Variants in ATR observed in about 807,000 individuals in gnomAD.
ATR encodes the protein serine/threonine-protein kinase ATR.
ATR carries 142 observed loss-of-function variants against 305.3 expected under a neutral mutation model. The ratio of observed to expected loss-of-function variants is 0.47; its 90% CI spans 0.41 to 0.53. The LOEUF (loss-of-function observed/expected upper bound fraction) is 0.53, where lower values mean the gene tolerates loss of function less well. Among genes scored for constraint, ATR ranks in the 20% least tolerant of loss-of-function variants. The pLI is 0.00. For synonymous variants in ATR, 1,050 were observed against 1,068.1 expected, an observed-to-expected ratio of 0.98 and a Z score of 0.33; for missense variants, 2,135 against 3,133.1, an observed-to-expected ratio of 0.68 and a Z score of 7.60.
At chr3:142,575,244 T>A (rs2035397573) in intron 1 of ATR, among the ~76,000 whole-genome samples, 1 of 152,072 alleles carries the variant, frequency 6.6e-6, no homozygotes, top group Non-Finnish European at 1.5e-5. Flanking sequence ...AGCCTTGGCA[T>A]GGTGGCTGAG....
chr3:142,482,714 T>C (rs1174870553), intron 36 of ATR, among the ~76,000 whole-genome samples: 3 of 151,974 alleles, frequency 2.0e-5, no homozygotes, highest in African/African-American at 7.2e-5. Flanking sequence ...CATGTGCCTA[T>C]AGTCCTAACT....
Position 142,562,973 on chromosome 3 carries a change from C to A in ATR, c.429G>T (p.Gly143=), listed in dbSNP as rs1358175954. ...LFKSKSPAIF[G]VLTKELLQLF... is the part of the protein sequence containing the mutation. Reference sequence around the variant, plus strand: ...GTTGTAATAATTCTTTTGTGAGTACCCCAAAAATAGCAGGACTCTTGCTTT... The same window carrying A: ...GTTGTAATAATTCTTTTGTGAGTACACCAAAAATAGCAGGACTCTTGCTTT... Residue 143 remains glycine, a synonymous_variant, in exon 4 of 47, where the codon GGG becomes GGT. Coordinates refer to ENST00000350721, the MANE Select transcript of ATR (RefSeq NM_001184.4). 6.2e-7 allele frequency: 1 copy of A among 1,607,102 alleles called. No individual in the cohort carries two copies. Among genetic ancestry groups the A allele is most frequent in the Non-Finnish European group, 8.5e-7 (1 of 1,178,236 alleles).
At chr3:142,512,145 C>A (rs2108370018) in intron 27 of ATR, 115 bp downstream of exon 27, 1 of 966,098 alleles carries the variant, frequency 1.0e-6, no homozygotes, top group South Asian at 1.5e-5. Flanking sequence ...CAATAAAAAA[C>A]ATGAAGCAAG....
chr3:142,479,130 A>T (rs994324915), intron 36 of ATR, among the ~76,000 whole-genome samples: 2 of 149,674 alleles, frequency 1.3e-5, no homozygotes, highest in Non-Finnish European at 3.0e-5. Flanking sequence ...TCCTCTCAGT[A>T]TGATGTTAGC....
chr3:142,458,500 T>A (rs1166850517), intron 44 of ATR, among the ~76,000 whole-genome samples: 1 of 152,152 alleles, frequency 6.6e-6, no homozygotes, highest in Admixed American at 6.6e-5. Context: ...TAAAGATGGG[T>A]CCAATTGCCT....
chr3:142,544,135 G>C (rs1053366263), intron 16 of ATR, among the ~76,000 whole-genome samples: 2 of 152,026 alleles, frequency 1.3e-5, no homozygotes, highest in African/African-American at 4.8e-5. Flanking sequence ...ACCACCTACT[G>C]CATAGAGTTG....
At chr3:142,478,480 T>C (rs1028775237) in intron 36 of ATR, among the ~76,000 whole-genome samples, 6 of 152,232 alleles carry the variant, frequency 3.9e-5, no homozygotes, top group Non-Finnish European at 8.8e-5. Flanking sequence ...TCTGTTCTTT[T>C]ACATTTGCTG....
chr3:142,503,630 T>G (rs2032091199), intron 29 of ATR, among the ~76,000 whole-genome samples, 177 bp from the exon 30 acceptor site: 1 of 152,166 alleles, frequency 6.6e-6, no homozygotes. Context: ...TTGCCCAGGC[T>G]GGTCTCAAAC....
intron 36 of ATR, among the ~76,000 whole-genome samples, chr3:142,478,036 A>G (rs912212433): frequency 6.6e-6 from 1 of 152,152 alleles, no homozygotes; most frequent in East Asian, 1.9e-4. Flanking sequence ...TTTTCCAAAA[A>G]CCAGCTCCTG....
Position 142,556,564 on chromosome 3 carries a change from G to C in ATR, c.1897C>G (p.Gln633Glu), listed in dbSNP as rs1337680172. The change falls in exon 9 of 47, where the codon CAA becomes GAA. Residue 633 changes from glutamine (Q) to glutamate (E), a missense_variant. Physicochemically the swap from Gln to Glu is conservative, Grantham distance 29 (BLOSUM62 2). Transcript: ENST00000350721. ...RISDSYSPQA[Q>E]SRCVFLLTLF... ...GTCAGAAGAAACACACATCGTGATT[G>C]TGCCTGTGGTGCTGAAAAAATTAAG... 1 of 1,613,906 alleles carries C rather than the reference G, an allele frequency of 6.2e-7. No homozygotes were observed. The highest frequency in any genetic ancestry group is 8.5e-7 in the Non-Finnish European group (1 of 1,179,956).
Position 142,513,496 on chromosome 3 carries a change from C to G in ATR, c.4641+5G>C. 1 of 1,613,228 alleles carries G rather than the reference C, an allele frequency of 6.2e-7. No homozygotes were observed. The highest frequency in any genetic ancestry group is 8.5e-7 in the Non-Finnish European group (1 of 1,179,520). ...TCAAAAACCAAGTAAGATGATTTAT[C>G]TCACCTCCTGCTGATCTTCTTGATT... On this transcript the variant is annotated splice_donor_5th_base_variant and intron_variant, in intron 26 of 46. Transcript: ENST00000350721.
intron 16 of ATR, among the ~76,000 whole-genome samples, chr3:142,546,031 G>A (rs781172135): frequency 6.6e-5 from 10 of 152,074 alleles, no homozygotes; most frequent in African/African-American, 1.4e-4. Flanking sequence ...ATTCTCTGCC[G>A]CCTTCTGCCC....
chr3:142,456,487 G>A (rs1002324607), intron 45 of ATR, among the ~76,000 whole-genome samples: 1 of 151,824 alleles, frequency 6.6e-6, no homozygotes, highest in Admixed American at 6.6e-5. Context: ...CACGAGAATC[G>A]TTTGAACCCA....
At chr3:142,452,061 T>C (rs2070804372) in intron 46 of ATR, 1 of 1,020,840 alleles carries the variant, frequency 9.8e-7, no homozygotes, top group Admixed American at 5.4e-5. Flanking sequence ...ATGAAGATAA[T>C]AGAGCAAGAA....
intron 15 of ATR, 103 bp from the exon 16 acceptor site, chr3:142,548,013 C>T (rs1577675281): frequency 2.0e-6 from 2 of 985,658 alleles, no homozygotes; most frequent in African/African-American, 3.3e-5. Context: ...GAGCTCTAGC[C>T]CAGATGACAG....
At chr3:142,560,135 A>C (rs1453891358) in intron 6 of ATR, 128 bp downstream of exon 6, 2 of 890,998 alleles carry the variant, frequency 2.2e-6, no homozygotes, top group Admixed American at 4.1e-5. Flanking sequence ...ATAGAAAATA[A>C]ATTTATTAAC....
intron 21 of ATR, among the ~76,000 whole-genome samples, chr3:142,533,935 A>G (rs570074623): frequency 6.6e-6 from 1 of 151,350 alleles, no homozygotes; most frequent in Admixed American, 6.5e-5. Flanking sequence ...GCTTTCCTTA[A>G]GACTGTAAGA....
chr3:142,564,999 G>A (rs990105404), intron 3 of ATR, among the ~76,000 whole-genome samples: 4 of 152,046 alleles, frequency 2.6e-5, no homozygotes, highest in Admixed American at 1.3e-4. Flanking sequence ...GGCTGGTCTC[G>A]AACTCCCAAA....
chr3:142,470,168 T>G lies in ATR; in HGVS notation c.6237A>C (p.Gly2079=). The G allele has an allele frequency of 6.2e-7, 1 of 1,605,608 alleles. No individual in the cohort carries two copies. Among genetic ancestry groups the G allele is most frequent in the Non-Finnish European group, 8.5e-7 (1 of 1,173,666 alleles). Residue 2079 remains glycine, a synonymous_variant, in exon 37 of 47, where the codon GGA becomes GGC. Transcript: ENST00000350721. ...GCATTGACTGATATATGAACTGATTTCCATATTGTAGAGATCTGCAATTAT... is the reference window on the plus strand; with the variant it reads ...GCATTGACTGATATATGAACTGATTGCCATATTGTAGAGATCTGCAATTAT... ...VLHFGRSLQY[G]NQFIYQSMPR...
Sources: allele counts gnomAD v4.1 joint callset (sites outside exome capture counted in the v4.1 genomes callset), GRCh38; gene constraint gnomAD v4.1.1; transcripts MANE v1.5; gene names NCBI Gene and HGNC (gene_info 2026-07-23, HGNC 2026-07-21).